Variants in PAPPA observed in about 807,000 individuals in gnomAD.
PAPPA encodes pappalysin 1.
A neutral mutation model predicts 164.0 loss-of-function variants in PAPPA; 60 were observed. The observed-to-expected ratio is 0.37, with a 90% confidence interval of 0.30 to 0.45. The LOEUF (loss-of-function observed/expected upper bound fraction) is 0.45, where lower values mean the gene tolerates loss of function less well. PAPPA is among the 20% of genes least tolerant of loss of function. The probability of loss-of-function intolerance (pLI) is 1.00; values close to 1 mark genes in which losing one functional copy is unlikely to be tolerated. For synonymous variants in PAPPA, 875 were observed against 814.1 expected, an observed-to-expected ratio of 1.07 and a Z score of -1.27; for missense variants, 1,782 against 2,087.3, an observed-to-expected ratio of 0.85 and a Z score of 2.85.
At chr9:116,195,377 G>T (rs1256828751) in intron 2 of PAPPA, among the ~76,000 whole-genome samples, 1 of 152,164 alleles carries the variant, frequency 6.6e-6, no homozygotes, top group Non-Finnish European at 1.5e-5. Flanking sequence ...GGCCCCTAAA[G>T]ATGAGGTTAA....
intron 2 of PAPPA, among the ~76,000 whole-genome samples, chr9:116,191,064 G>T (rs1278528502): frequency 6.6e-6 from 1 of 152,126 alleles, no homozygotes; most frequent in African/African-American, 2.4e-5. Flanking sequence ...GAGGGAGATA[G>T]GGAGGGTGGG....
chr9:116,204,893 A>G (rs1844213789), intron 2 of PAPPA, among the ~76,000 whole-genome samples: 1 of 151,916 alleles, frequency 6.6e-6, no homozygotes, highest in Non-Finnish European at 1.5e-5. Flanking sequence ...TGTTGACAAA[A>G]GTGAAAAAAA....
chr9:116,250,331 G>A (rs1225091614), intron 7 of PAPPA, among the ~76,000 whole-genome samples: 1 of 152,154 alleles, frequency 6.6e-6, no homozygotes. Flanking sequence ...TGTTGTCAGA[G>A]TGGGAACTAG....
chr9:116,187,115 T>G lies in PAPPA; in HGVS notation c.416-39T>G, dbSNP rs1843980313. On this transcript the variant is annotated intron_variant, in intron 1 of 21. Coordinates refer to ENST00000328252, the MANE Select transcript of PAPPA (RefSeq NM_002581.5). The surrounding 1 kb of genome is among the most constrained non-coding windows in gnomAD (Gnocchi z 4.2). Reference sequence around the variant, plus strand: ...TAACTTAACCCCCCCTCCTTTTCCATCCTTTATTTATTCATCTTTCTCTTT... The same window carrying G: ...TAACTTAACCCCCCCTCCTTTTCCAGCCTTTATTTATTCATCTTTCTCTTT... 1 of 1,435,526 alleles carries G rather than the reference T, an allele frequency of 7.0e-7. No individual in the cohort carries two copies. The highest frequency in any genetic ancestry group is 9.8e-7 in the Non-Finnish European group (1 of 1,024,642). The allele number at this position is 1,435,526 out of a possible 1,614,324, so 88.9% of individuals were successfully genotyped here.
At chr9:116,343,113 C>A (rs570253395) in intron 13 of PAPPA, among the ~76,000 whole-genome samples, 1 of 152,178 alleles carries the variant, frequency 6.6e-6, no homozygotes, top group African/African-American at 2.4e-5. Context: ...CCTAATCTTG[C>A]CAGTCCCCAA....
In PAPPA at chr9:116,166,928, A is replaced by G. The variant is rs149840147; in HGVS notation, c.415+12341A>G. On this transcript the variant is annotated intron_variant, in intron 1 of 21. Coordinates refer to ENST00000328252, the MANE Select transcript of PAPPA (RefSeq NM_002581.5). ...GTGCCCCCCAGTGGCTAATGCAAACATTTGAAGAATGTAGAATGGAAAGGT... is the reference window on the plus strand; with the variant it reads ...GTGCCCCCCAGTGGCTAATGCAAACGTTTGAAGAATGTAGAATGGAAAGGT... Among the ~76,000 whole-genome samples the G allele has an allele frequency of 7.7e-3, 1,168 of 152,314 alleles. 26 individuals carry two copies. Among genetic ancestry groups the G allele is most frequent in the African/African-American group, 0.027 (1,107 of 41,560 alleles).
intron 20 of PAPPA, among the ~76,000 whole-genome samples, chr9:116,380,851 A>G (rs1846721601): frequency 6.6e-6 from 1 of 152,212 alleles, no homozygotes; most frequent in South Asian, 2.1e-4. Context: ...TGGAACAGAG[A>G]GGCAAAAGCC....
At position 116,372,964 on chromosome 9, in the gene PAPPA, T is replaced by G. The variant is rs544580840; in HGVS notation, c.4606-4612T>G. Reference sequence around the variant, plus strand: ...GGCAGAATTAGCTAGCTAATTCCACTGCATTCCATCCTGCAAGGGCAACCC... The same window carrying G: ...GGCAGAATTAGCTAGCTAATTCCACGGCATTCCATCCTGCAAGGGCAACCC... On this transcript the variant is annotated intron_variant, in intron 19 of 21. Coordinates refer to ENST00000328252, the MANE Select transcript of PAPPA (RefSeq NM_002581.5). Among the ~76,000 whole-genome samples, 629 of 152,328 alleles carry G rather than the reference T, an allele frequency of 4.1e-3. 2 individuals carry two copies. The highest frequency in any genetic ancestry group is 6.9e-3 in the Non-Finnish European group (469 of 68,032).
chr9:116,376,570 G>A (rs1373503323), intron 19 of PAPPA, among the ~76,000 whole-genome samples: 1 of 152,016 alleles, frequency 6.6e-6, no homozygotes, highest in Non-Finnish European at 1.5e-5. Flanking sequence ...ATCATGGCAA[G>A]AAATAAATAA....
intron 9 of PAPPA, among the ~76,000 whole-genome samples, chr9:116,291,046 G>A (rs1165804960): frequency 6.6e-6 from 1 of 152,030 alleles, no homozygotes; most frequent in Non-Finnish European, 1.5e-5. Context: ...AAAGAGAACT[G>A]GCTGAAAGTC....
At chr9:116,196,932 T>C (rs1455272348) in intron 2 of PAPPA, among the ~76,000 whole-genome samples, 1 of 152,174 alleles carries the variant, frequency 6.6e-6, no homozygotes, top group South Asian at 2.1e-4. Context: ...ACTATTTTTA[T>C]GGCCACAGAG....
At chr9:116,362,544 TGG>T in intron 17 of PAPPA, 46 bp from the exon 18 acceptor site, 1 of 1,578,070 alleles carries the variant, frequency 6.3e-7, no homozygotes, top group South Asian at 1.2e-5. Context: ...CTTATTCAAT[TGG>T]GGCTGGTGTC....
chr9:116,361,313 A>ATCCTTCACAATATGGGCC (rs550590242), intron 17 of PAPPA, among the ~76,000 whole-genome samples: 69 of 152,290 alleles, frequency 4.5e-4, no homozygotes, highest in Middle Eastern at 3.4e-3. Context: ...TTGTTCTTAG[A>ATCCTTCACAATATGGGCC]TCCTTCACAA....
At chr9:116,208,103 C>T (rs1206391386) in intron 3 of PAPPA, among the ~76,000 whole-genome samples, 1 of 152,216 alleles carries the variant, frequency 6.6e-6, no homozygotes, top group Non-Finnish European at 1.5e-5. Context: ...CACCCACCAA[C>T]ACCAACAGGA....
intron 17 of PAPPA, among the ~76,000 whole-genome samples, chr9:116,360,104 C>T (rs1196103705): frequency 6.6e-6 from 1 of 152,230 alleles, no homozygotes; most frequent in African/African-American, 2.4e-5. Flanking sequence ...CCAAGCTCTC[C>T]AGCCAGCCCT....
At chr9:116,216,904 G>A (rs553120636) in intron 4 of PAPPA, among the ~76,000 whole-genome samples, 8 of 152,098 alleles carry the variant, frequency 5.3e-5, no homozygotes, top group African/African-American at 1.9e-4. Context: ...ACCATGCCCA[G>A]CTAATTTTTG....
At chr9:116,238,231 C>T (rs1844694226) in intron 7 of PAPPA, among the ~76,000 whole-genome samples, 1 of 152,160 alleles carries the variant, frequency 6.6e-6, no homozygotes, top group Admixed American at 6.5e-5. Context: ...AACAAGTTCT[C>T]AAAGTGTGGC....
At chr9:116,250,310 T>G (rs1844846383) in intron 7 of PAPPA, among the ~76,000 whole-genome samples, 1 of 152,186 alleles carries the variant, frequency 6.6e-6, no homozygotes, top group Admixed American at 6.5e-5. Flanking sequence ...TGATGCTAGC[T>G]TTTACATTCT....
At chr9:116,280,252 G>T (rs1845250480) in intron 9 of PAPPA, among the ~76,000 whole-genome samples, 1 of 152,130 alleles carries the variant, frequency 6.6e-6, no homozygotes. Flanking sequence ...TTAGGAAAAT[G>T]ATACAAATAA....
Sources: gnomAD v4.1 joint callset for allele counts (sites outside exome capture counted in the v4.1 genomes callset) on GRCh38, gnomAD v4.1.1 for gene constraint, Gnocchi (gnomAD v3.1) non-coding constraint, MANE v1.5 for transcripts, NCBI Gene and HGNC (gene_info 2026-07-23, HGNC 2026-07-21) for gene names.